The following GALK2 variants were observed in gnomAD, a reference collection of about 807,000 sequenced individuals.
GALK2 encodes the protein N-acetylgalactosamine kinase.
Under a neutral mutation model 52.4 loss-of-function variants are expected in GALK2, and 36 were observed. That is an observed-to-expected ratio of 0.69 (90% CI 0.53 to 0.91). The LOEUF (loss-of-function observed/expected upper bound fraction) is 0.91, where lower values mean the gene tolerates loss of function less well. Ranked by LOEUF, GALK2 falls within the 40% of genes least tolerant of loss-of-function variation. GALK2 has a pLI of 0.00. For synonymous variants in GALK2, 176 were observed against 199.1 expected (o/e 0.88, Z 0.98); for missense variants, 579 against 559.1 (o/e 1.04, Z -0.36).
chr15:49,276,116 C>G (rs1439358780), intron 5 of GALK2, among the ~76,000 whole-genome samples: 3 of 152,304 alleles, frequency 2.0e-5, no homozygotes, highest in Non-Finnish European at 4.4e-5. Context: ...AAATTGTCTT[C>G]CCTAATGATT....
chr15:49,161,070 C>G (rs932320758), intron 1 of GALK2, among the ~76,000 whole-genome samples: 20 of 152,280 alleles, frequency 1.3e-4, no homozygotes, highest in African/African-American at 4.6e-4. Flanking sequence ...ATATGCTTAA[C>G]AAATGCATAC....
chr15:49,292,241 C>A, intron 7 of GALK2, 86 bp from the exon 8 acceptor site: 1 of 1,230,540 alleles, frequency 8.1e-7, no homozygotes, highest in Non-Finnish European at 1.1e-6. Context: ...AAACAAAAAA[C>A]AGCTTAACGT....
At chr15:49,355,510 T>C (rs376270242) in intron 3 of GALK2, among the ~76,000 whole-genome samples, 1 of 151,702 alleles carries the variant, frequency 6.6e-6, no homozygotes, top group South Asian at 2.1e-4. Flanking sequence ...ATGAAATGAA[T>C]GAAATGAAGC....
intron 3 of GALK2, chr15:49,365,182 C>T (rs1040989969): frequency 1.9e-5 from 15 of 783,304 alleles, no homozygotes; most frequent in Middle Eastern, 6.5e-4. Context: ...TTGCATAATA[C>T]AGATGGTCCA....
At chr15:49,188,990 T>C (rs1273471847) in intron 1 of GALK2, among the ~76,000 whole-genome samples, 1 of 152,194 alleles carries the variant, frequency 6.6e-6, no homozygotes, top group Admixed American at 6.5e-5. Flanking sequence ...AAGGTTCTTT[T>C]TCTTGTAAGG....
chr15:49,327,972 C>A lies in GALK2; in HGVS notation c.1190C>A (p.Ser397Ter). ...TTTAGGAAGTTTGGGGCTCAAGGGT[C>A]ACGACTTACTGGAGCAGGATGGGGA... ...DICRKFGAQGSRLTGAGWGGC... is the reference protein window; with the variant it reads ...DICRKFGAQG Residue 397 changes from serine (S) to a stop codon, truncating the protein, a stop_gained, in exon 10 of 10, where the codon TCA (serine) becomes TAA (stop). Transcript: ENST00000560031. LOFTEE classifies it high-confidence loss of function. 1.9e-6 allele frequency: 3 copies of A among 1,613,262 alleles called. No individual in the cohort carries two copies. Among genetic ancestry groups the A allele is most frequent in the South Asian group, 1.1e-5 (1 of 90,992 alleles).
intron 5 of GALK2, among the ~76,000 whole-genome samples, chr15:49,253,768 A>G (rs79810524): frequency 0.012 from 1,766 of 144,026 alleles, 149 homozygotes; most frequent in African/African-American, 0.042. Context: ...TATATCAAAG[A>G]GATATGGAAG....
At chr15:49,197,502 G>A (rs1003678560) in intron 1 of GALK2, among the ~76,000 whole-genome samples, 11 of 152,034 alleles carry the variant, frequency 7.2e-5, no homozygotes, top group Non-Finnish European at 1.6e-4. Flanking sequence ...GAGATATCTT[G>A]GGGATAGCAC....
intron 3 of GALK2, among the ~76,000 whole-genome samples, chr15:49,354,930 C>A (rs551595792): frequency 1.9e-3 from 294 of 152,080 alleles, no homozygotes; most frequent in Non-Finnish European, 2.9e-3. Context: ...GGGTCCCTGA[C>A]CCCTGACCCT....
chr15:49,200,298 A>G (rs1316610912), intron 1 of GALK2, among the ~76,000 whole-genome samples: 2 of 152,358 alleles, frequency 1.3e-5, no homozygotes, highest in African/African-American at 4.8e-5. Context: ...TAGAGGTCTC[A>G]TTAGAATTAG....
At chr15:49,264,270 T>C (rs1343774596) in intron 5 of GALK2, among the ~76,000 whole-genome samples, 1 of 152,078 alleles carries the variant, frequency 6.6e-6, no homozygotes, top group Non-Finnish European at 1.5e-5. Context: ...TGCTCATTTC[T>C]TTTTATTCTT....
At chr15:49,178,593 G>A (rs779385163) in intron 1 of GALK2, 5 of 229,080 alleles carry the variant, frequency 2.2e-5, no homozygotes, top group South Asian at 1.3e-4. Flanking sequence ...TAGCCCTGTC[G>A]GTGCACTTTT....
chr15:49,225,118 A>G, intron 3 of GALK2: 1 of 437,048 alleles, frequency 2.3e-6, no homozygotes, highest in Non-Finnish European at 4.6e-6. Context: ...AGGGGGAGAC[A>G]GATGACCCTC....
intron 5 of GALK2, among the ~76,000 whole-genome samples, chr15:49,265,877 GC>G (rs2092343621): frequency 6.6e-6 from 1 of 152,190 alleles, no homozygotes; most frequent in Non-Finnish European, 1.5e-5. Context: ...GCCCACTCAA[GC>G]CAGCTTCATT....
chr15:49,299,770 TC>T (rs2034913218), intron 8 of GALK2, among the ~76,000 whole-genome samples: 4 of 143,436 alleles, frequency 2.8e-5, no homozygotes, highest in African/African-American at 1.1e-4. Context: ...TTTCTTTCTT[TC>T]TTTCTTTCTT....
chr15:49,293,974 C>T (rs1226680654), intron 8 of GALK2, among the ~76,000 whole-genome samples: 1 of 151,888 alleles, frequency 6.6e-6, no homozygotes, highest in Middle Eastern at 3.2e-3. Flanking sequence ...GTGGCAAGCA[C>T]CTGTAATCCC....
chr15:49,161,135 T>C (rs943938692), intron 1 of GALK2, among the ~76,000 whole-genome samples: 1 of 152,234 alleles, frequency 6.6e-6, no homozygotes, highest in Non-Finnish European at 1.5e-5. Flanking sequence ...TTGCATAATT[T>C]GCTGCTTTTA....
chr15:49,327,649 A>C (rs1348706349), intron 9 of GALK2: 2 of 211,510 alleles, frequency 9.5e-6, no homozygotes, highest in Non-Finnish European at 1.9e-5. Context: ...ACAACTCTTC[A>C]AGTGGCTACT....
At chr15:49,265,686 G>C (rs748192279) in intron 5 of GALK2, among the ~76,000 whole-genome samples, 20 of 152,216 alleles carry the variant, frequency 1.3e-4, no homozygotes, top group Non-Finnish European at 2.2e-4. Flanking sequence ...GAGCTGTAGA[G>C]CGGAGCTGTT....
Sources: gnomAD v4.1 joint callset for allele counts (sites outside exome capture counted in the v4.1 genomes callset) on GRCh38, gnomAD v4.1.1 for gene constraint, MANE v1.5 for transcripts, NCBI Gene and HGNC (gene_info 2026-07-23, HGNC 2026-07-21) for gene names.